The following WWOX variants were observed in gnomAD, a reference collection of about 807,000 sequenced individuals.
The protein encoded by WWOX is WW domain-containing oxidoreductase.
In WWOX, 69 loss-of-function variants were observed where a neutral mutation model predicts 46.2. That is an observed-to-expected ratio of 1.49 (90% CI 1.23 to 1.82). The LOEUF is 1.82. Ranked by LOEUF, WWOX falls within the 40% of genes most tolerant of loss-of-function variation. The pLI is 0.00. For synonymous variants in WWOX, 359 were observed against 202.6 expected, an observed-to-expected ratio of 1.77 and a Z score of -6.56; for missense variants, 919 against 542.6, an observed-to-expected ratio of 1.69 and a Z score of -6.89.
At chr16:78,777,382 C>T (rs1170198692) in intron 8 of WWOX, among the ~76,000 whole-genome samples, 2 of 152,130 alleles carry the variant, frequency 1.3e-5, no homozygotes, top group South Asian at 2.1e-4. Flanking sequence ...CTAGTATGAC[C>T]AGGGGCTGGA....
chr16:78,262,055 G>A (rs1471046837), intron 5 of WWOX, among the ~76,000 whole-genome samples: 1 of 129,742 alleles, frequency 7.7e-6, no homozygotes, highest in Non-Finnish European at 1.5e-5. Context: ...ATGCCATTGC[G>A]CTCTGCTCCA....
intron 5 of WWOX, among the ~76,000 whole-genome samples, chr16:78,249,983 G>C (rs965958782): frequency 6.6e-6 from 1 of 152,108 alleles, no homozygotes; most frequent in Non-Finnish European, 1.5e-5. Context: ...CCCAGTGAGC[G>C]GCTGAACACA....
chr16:78,391,719 A>G (rs1278589457), intron 6 of WWOX, among the ~76,000 whole-genome samples: 2 of 152,132 alleles, frequency 1.3e-5, no homozygotes, highest in Non-Finnish European at 2.9e-5. Context: ...ATGGTGATGC[A>G]TACCTGAAGT....
intron 8 of WWOX, among the ~76,000 whole-genome samples, chr16:78,753,812 AAAAAAAAAAAAAAATATAT>A (rs2049549650): frequency 3.7e-5 from 3 of 80,540 alleles, no homozygotes; most frequent in African/African-American, 1.4e-4. Context: ...AAAAAAAAAA[AAAAAAAAAAAAAAATATAT>A]ATATATATAT....
chr16:78,926,855 G>C (rs559968023), intron 8 of WWOX, among the ~76,000 whole-genome samples: 1 of 152,236 alleles, frequency 6.6e-6, no homozygotes, highest in African/African-American at 2.4e-5. Context: ...GGAGTACATT[G>C]GTGCGATGAA....
chr16:78,657,389 G>A (rs1125671), intron 8 of WWOX, among the ~76,000 whole-genome samples: 68,007 of 151,902 alleles, frequency 0.45, 17,079 homozygotes, highest in Middle Eastern at 0.59. Context: ...AAAGGAGCCT[G>A]TGCTTCCCGA....
At chr16:78,757,126 C>T in intron 8 of WWOX, 1 of 669,780 alleles carries the variant, frequency 1.5e-6, no homozygotes, top group Non-Finnish European at 2.7e-6. Context: ...TATCTAGAAC[C>T]ACCGAGCTAA....
intron 8 of WWOX, among the ~76,000 whole-genome samples, chr16:78,821,791 CAA>C (rs1345749067): frequency 3.3e-5 from 5 of 152,162 alleles, no homozygotes; most frequent in Non-Finnish European, 5.9e-5. Flanking sequence ...GTGTCAGACA[CAA>C]AATAGTCAGC....
At chr16:78,610,063 A>G (rs1207891534) in intron 8 of WWOX, among the ~76,000 whole-genome samples, 5 of 151,462 alleles carry the variant, frequency 3.3e-5, no homozygotes, top group Admixed American at 2.6e-4. Context: ...TCTCGCTGGA[A>G]AGACTGCTGC....
chr16:79,134,006 C>G (rs2049934158), intron 8 of WWOX, among the ~76,000 whole-genome samples: 1 of 152,040 alleles, frequency 6.6e-6, no homozygotes, highest in Non-Finnish European at 1.5e-5. Context: ...TCATGCTGGA[C>G]TATCTAAGCA....
intron 8 of WWOX, among the ~76,000 whole-genome samples, chr16:78,621,225 G>A (rs1309474383): frequency 6.6e-6 from 1 of 152,186 alleles, no homozygotes; most frequent in African/African-American, 2.4e-5. Flanking sequence ...GAATAAGGCT[G>A]CCAAGCTCGG....
At chr16:78,137,350 C>G (rs1033390889) in intron 4 of WWOX, among the ~76,000 whole-genome samples, 2 of 152,184 alleles carry the variant, frequency 1.3e-5, no homozygotes, top group African/African-American at 4.8e-5. Context: ...TGGGGCCTGG[C>G]ACAGTATCTT....
At chr16:78,760,893 G>A (rs572710287) in intron 8 of WWOX, among the ~76,000 whole-genome samples, 1 of 152,300 alleles carries the variant, frequency 6.6e-6, no homozygotes, top group South Asian at 2.1e-4. Flanking sequence ...AATGGAAGGG[G>A]AAAGGCGCAT....
chr16:78,503,833 C>G (rs138339618), intron 8 of WWOX: 55 of 152,298 alleles, frequency 3.6e-4, no homozygotes, highest in African/African-American at 9.4e-4. Context: ...TTTTTCCTCT[C>G]TAGCAAACAG....
At chr16:78,526,619 G>A (rs2738745) in intron 8 of WWOX, 124,736 of 152,132 alleles carry the variant, frequency 0.82, 52,437 homozygotes, top group East Asian at 1. Context: ...GTCCTAGAGC[G>A]GGTTGGGCAA....
intron 8 of WWOX, among the ~76,000 whole-genome samples, chr16:78,991,567 C>G (rs1360581112): frequency 7.5e-6 from 1 of 133,660 alleles, no homozygotes; most frequent in Non-Finnish European, 1.5e-5. Context: ...CACCACTGCA[C>G]TCCAGACTGG....
At chr16:79,105,236 T>C (rs963208787) in intron 8 of WWOX, among the ~76,000 whole-genome samples, 1 of 152,164 alleles carries the variant, frequency 6.6e-6, no homozygotes, top group Non-Finnish European at 1.5e-5. Flanking sequence ...TGCTATTGTT[T>C]TGAATCATTC....
intron 8 of WWOX, among the ~76,000 whole-genome samples, chr16:79,132,867 A>G (rs773215361): frequency 1.7e-4 from 26 of 152,208 alleles, no homozygotes; most frequent in Admixed American, 5.9e-4. Flanking sequence ...TATCACATAA[A>G]TATGCTTCAA....
rs954868241 is a variant in WWOX at position 79,123,441 on chromosome 16, G to A, written c.1057-88167G>A. On this transcript the variant is annotated intron_variant, in intron 8 of 8. Transcript: ENST00000566780. Reference sequence around the variant, plus strand: ...AGGGCAGCTGGGGAGTGAATCTGTCGTTTGTTGAGACTCTTTTTCCTGCTT... The same window carrying A: ...AGGGCAGCTGGGGAGTGAATCTGTCATTTGTTGAGACTCTTTTTCCTGCTT... Among the ~76,000 whole-genome samples the A allele has an allele frequency of 6.6e-5, 10 of 152,132 alleles. No individual in the cohort carries two copies. The East Asian group carries it at 9.6e-4, about 15-fold the overall frequency.
Sources: gnomAD v4.1 joint callset for allele counts (sites outside exome capture counted in the v4.1 genomes callset) on GRCh38, gnomAD v4.1.1 for gene constraint, MANE v1.5 for transcripts, NCBI Gene and HGNC (gene_info 2026-07-23, HGNC 2026-07-21) for gene names.